TMEM123: variants seen among roughly 807,000 people sequenced by gnomAD.
TMEM123 encodes transmembrane protein 123.
Under a neutral mutation model 19.7 loss-of-function variants are expected in TMEM123, and 16 were observed. That is an observed-to-expected ratio of 0.81 (90% confidence interval 0.55 to 1.23). The LOEUF is 1.23. Among genes scored for constraint, TMEM123 ranks in the 50% most tolerant of loss-of-function variants. TMEM123 has a pLI of 0.00. For missense variants in TMEM123, 313 were observed against 257.8 expected, an observed-to-expected ratio of 1.21 and a Z score of -1.47; for synonymous variants, 118 against 99.4, an observed-to-expected ratio of 1.19 and a Z score of -1.12.
intron 2 of TMEM123, among the ~76,000 whole-genome samples, chr11:102,424,784 C>T (rs1195329762): frequency 2.0e-5 from 3 of 152,052 alleles, no homozygotes; most frequent in African/African-American, 4.8e-5. Flanking sequence ...ATAGATAAGA[C>T]TATTTACCTG....
rs776383958 is a variant in TMEM123 at position 102,398,724 on chromosome 11, A to G, written c.*143T>C. ...TTGTTACCTTGAAGAATCTTTACAT[A>G]TTTACGTAATACACTGTACATTATA... On this transcript the variant is annotated 3_prime_UTR_variant, in exon 5 of 5. Coordinates refer to ENST00000398136, the MANE Select transcript of TMEM123 (RefSeq NM_052932.3). 21 of 778,488 alleles carry G rather than the reference A, an allele frequency of 2.7e-5. No homozygotes were observed. The highest frequency in any genetic ancestry group is 3.9e-5 in the Non-Finnish European group (19 of 492,790). The allele number at this position is 778,488 out of a possible 1,614,324, so 48.2% of individuals were successfully genotyped here. A position where few individuals can be genotyped will look rare whatever the true frequency, so the allele number is the denominator to read the frequency against.
chr11:102,412,190 G>A (rs1952011087), intron 2 of TMEM123, among the ~76,000 whole-genome samples: 2 of 152,172 alleles, frequency 1.3e-5, no homozygotes, highest in Non-Finnish European at 2.9e-5. Flanking sequence ...AGCACTTTGG[G>A]AGGCCCAAGG....
intron 2 of TMEM123, among the ~76,000 whole-genome samples, chr11:102,422,953 A>G (rs1236989243): frequency 6.6e-6 from 1 of 152,186 alleles, no homozygotes; most frequent in Non-Finnish European, 1.5e-5. Flanking sequence ...GTTAGTACAC[A>G]TTGAGGTTTT....
At chr11:102,425,998 T>C (rs918778660) in intron 2 of TMEM123, among the ~76,000 whole-genome samples, 2 of 152,244 alleles carry the variant, frequency 1.3e-5, no homozygotes, top group African/African-American at 4.8e-5. Context: ...TTATTAACTT[T>C]CCAATTAAAT....
intron 2 of TMEM123, among the ~76,000 whole-genome samples, chr11:102,437,627 A>C (rs894571415): frequency 2.0e-5 from 3 of 152,190 alleles, no homozygotes; most frequent in Non-Finnish European, 2.9e-5. Context: ...AGAAAGCACC[A>C]GTGCAGTTCC....
chr11:102,407,465 C>A (rs1035023211), intron 2 of TMEM123, among the ~76,000 whole-genome samples: 4 of 152,162 alleles, frequency 2.6e-5, no homozygotes, highest in Non-Finnish European at 5.9e-5. Flanking sequence ...TTGAATTGTT[C>A]CCCTCTCCAC....
In TMEM123 at chr11:102,402,000, A is replaced by C; in HGVS notation, c.364T>G (p.Ser122Ala). ...GTTGATATCTGAGATGTGTTCTGTG[A>C]AACACTTGTTGTTTTGGGTGTAGAC... Reference protein sequence around the residue: ...LKSTPKTTSVSQNTSQISTST... With the variant: ...LKSTPKTTSVAQNTSQISTST... Residue 122 changes from serine to alanine, a missense_variant, in exon 3 of 5, where the codon TCA becomes GCA. Ser to Ala is a moderately conservative substitution (Grantham distance 99). Transcript: ENST00000398136. The C allele has an allele frequency of 6.2e-7, 1 of 1,614,208 alleles. No homozygotes were observed. The highest frequency in any genetic ancestry group is 8.5e-7 in the Non-Finnish European group (1 of 1,180,036).
chr11:102,434,410 A>G (rs11225255), intron 2 of TMEM123, among the ~76,000 whole-genome samples: 2,636 of 151,980 alleles, frequency 0.017, 93 homozygotes, highest in Non-Finnish European at 0.022. Context: ...ATGTCTGTCT[A>G]TTCAGGTTCC....
At chr11:102,423,317 T>C (rs1271392068) in intron 2 of TMEM123, among the ~76,000 whole-genome samples, 2 of 152,230 alleles carry the variant, frequency 1.3e-5, no homozygotes, top group Non-Finnish European at 2.9e-5. Context: ...GACTCTCTTC[T>C]GAGAACAGGG....
chr11:102,451,921 T>C (rs1038950406), intron 1 of TMEM123, among the ~76,000 whole-genome samples: 1 of 152,140 alleles, frequency 6.6e-6, no homozygotes, highest in Admixed American at 6.5e-5. Context: ...CGCCCCGCCA[T>C]GGGGGCGGCC....
At chr11:102,410,539 G>A (rs1951996089) in intron 2 of TMEM123, among the ~76,000 whole-genome samples, 1 of 147,756 alleles carries the variant, frequency 6.8e-6, no homozygotes, top group South Asian at 2.1e-4. Flanking sequence ...ATGAATCACA[G>A]CCACAAGAGC....
At chr11:102,409,802 T>C (rs1236097083) in intron 2 of TMEM123, among the ~76,000 whole-genome samples, 2 of 151,834 alleles carry the variant, frequency 1.3e-5, no homozygotes, top group Non-Finnish European at 2.9e-5. Context: ...GAGGCAGAGG[T>C]TGCAGTGAGC....
chr11:102,442,942 C>T (rs936487634), intron 2 of TMEM123, among the ~76,000 whole-genome samples: 4 of 152,164 alleles, frequency 2.6e-5, no homozygotes, highest in African/African-American at 9.7e-5. Flanking sequence ...AACTCCCATT[C>T]TCAATTGTTT....
At chr11:102,427,303 CT>C (rs1952137200) in intron 2 of TMEM123, among the ~76,000 whole-genome samples, 1 of 152,068 alleles carries the variant, frequency 6.6e-6, no homozygotes, top group Non-Finnish European at 1.5e-5. Context: ...GTTCCTTGAG[CT>C]TTTTGTTGAC....
chr11:102,421,274 T>A (rs1287773047), intron 2 of TMEM123, among the ~76,000 whole-genome samples: 1 of 152,218 alleles, frequency 6.6e-6, no homozygotes, highest in African/African-American at 2.4e-5. Flanking sequence ...TCTCATACTC[T>A]AAAATATCAT....
chr11:102,434,946 G>T (rs1223010662), intron 2 of TMEM123, among the ~76,000 whole-genome samples: 1 of 151,868 alleles, frequency 6.6e-6, no homozygotes, highest in African/African-American at 2.4e-5. Flanking sequence ...CAATTTTCAA[G>T]TATACAACAT....
At chr11:102,406,373 A>G (rs1004807600) in intron 2 of TMEM123, among the ~76,000 whole-genome samples, 1 of 152,148 alleles carries the variant, frequency 6.6e-6, no homozygotes, top group East Asian at 1.9e-4. Flanking sequence ...ACAAGCATCT[A>G]CTGGACTTGG....
chr11:102,426,859 T>C (rs5018495), intron 2 of TMEM123, among the ~76,000 whole-genome samples: 351 of 4,136 alleles, frequency 0.085, 20 homozygotes, highest in Middle Eastern at 0.12. Context: ...TTAAAGTAGT[T>C]CCCCCCCCCC....
chr11:102,411,760 T>A (rs975403842), intron 2 of TMEM123, among the ~76,000 whole-genome samples: 1 of 152,218 alleles, frequency 6.6e-6, no homozygotes, highest in African/African-American at 2.4e-5. Context: ...AGGTCTTGTT[T>A]ATCTTTTCAA....
Sources: allele counts gnomAD v4.1 joint callset (sites outside exome capture counted in the v4.1 genomes callset), GRCh38; gene constraint gnomAD v4.1.1; transcripts MANE v1.5; gene names NCBI Gene and HGNC (gene_info 2026-07-23, HGNC 2026-07-21).